The following ZNF804A variants were observed in gnomAD, a reference collection of about 807,000 sequenced individuals.
ZNF804A encodes zinc finger protein 804A.
Under a neutral mutation model 16.5 loss-of-function variants are expected in ZNF804A, and 2 were observed. The ratio of observed to expected loss-of-function variants is 0.12; its 90% CI spans 0.05 to 0.38. The LOEUF (loss-of-function observed/expected upper bound fraction) is 0.38. ZNF804A is among the 10% of genes least tolerant of loss of function. The pLI, the probability that ZNF804A is intolerant of heterozygous loss-of-function variation, is 0.99. For synonymous variants in ZNF804A, 534 were observed against 489.6 expected (o/e 1.09, Z -1.20); for missense variants, 1,473 against 1,390.7 (o/e 1.06, Z -0.94).
intron 1 of ZNF804A, among the ~76,000 whole-genome samples, chr2:184,768,891 G>A (rs984705254): frequency 6.6e-6 from 1 of 151,888 alleles, no homozygotes; most frequent in Non-Finnish European, 1.5e-5. Flanking sequence ...TTTAATAAAT[G>A]TACCCTTTAG....
chr2:184,791,122 A>T (rs1190380077), intron 1 of ZNF804A, among the ~76,000 whole-genome samples: 1 of 151,796 alleles, frequency 6.6e-6, no homozygotes, highest in Non-Finnish European at 1.5e-5. Flanking sequence ...TATTTTTTTT[A>T]TCCAGTTTTC....
At chr2:184,847,262 G>A (rs1416198319) in intron 1 of ZNF804A, among the ~76,000 whole-genome samples, 1 of 151,050 alleles carries the variant, frequency 6.6e-6, no homozygotes, top group African/African-American at 2.4e-5. Context: ...GTGTAGATGA[G>A]TTTGCATTTC....
intron 1 of ZNF804A, among the ~76,000 whole-genome samples, chr2:184,826,982 G>A (rs149952946): frequency 4.0e-5 from 6 of 151,426 alleles, no homozygotes; most frequent in East Asian, 1.9e-4. Context: ...TCATTTTATC[G>A]TGTGTATTAA....
intron 1 of ZNF804A, among the ~76,000 whole-genome samples, chr2:184,707,052 G>A (rs371738658): frequency 4.6e-5 from 7 of 152,258 alleles, no homozygotes; most frequent in African/African-American, 1.7e-4. Context: ...GGCATAAAGA[G>A]ATTCAAGGCT....
intron 1 of ZNF804A, among the ~76,000 whole-genome samples, chr2:184,603,082 C>T (rs1346560559): frequency 1.3e-5 from 2 of 152,092 alleles, no homozygotes; most frequent in Non-Finnish European, 2.9e-5. Context: ...TTTCTGTAGG[C>T]TGCCCTGCAT....
At chr2:184,618,458 A>C (rs917877830) in intron 1 of ZNF804A, among the ~76,000 whole-genome samples, 4 of 152,144 alleles carry the variant, frequency 2.6e-5, no homozygotes. Flanking sequence ...GGAAAAAAAG[A>C]TTATTTAATA....
intron 1 of ZNF804A, among the ~76,000 whole-genome samples, chr2:184,809,027 A>C (rs1420180684): frequency 6.6e-6 from 1 of 151,860 alleles, no homozygotes; most frequent in Non-Finnish European, 1.5e-5. Context: ...CAGAGATCTA[A>C]TGAAAAATTT....
At chr2:184,786,339 C>T (rs1370600417) in intron 1 of ZNF804A, among the ~76,000 whole-genome samples, 1 of 151,892 alleles carries the variant, frequency 6.6e-6, no homozygotes, top group East Asian at 1.9e-4. Context: ...ATTTTGTAAG[C>T]AATTCCCTAA....
intron 1 of ZNF804A, among the ~76,000 whole-genome samples, chr2:184,702,857 ATATACT>A (rs1235071057): frequency 6.6e-6 from 1 of 152,148 alleles, no homozygotes; most frequent in East Asian, 1.9e-4. Context: ...CTATGTAGAG[ATATACT>A]TAAAACAACT....
At chr2:184,619,364 C>T (rs1691382384) in intron 1 of ZNF804A, among the ~76,000 whole-genome samples, 1 of 151,408 alleles carries the variant, frequency 6.6e-6, no homozygotes, top group Non-Finnish European at 1.5e-5. Flanking sequence ...GTCTAGACTG[C>T]TTCAAGTTAT....
chr2:184,895,331 G>A (rs1036750015), intron 2 of ZNF804A, among the ~76,000 whole-genome samples: 2 of 152,016 alleles, frequency 1.3e-5, no homozygotes, highest in African/African-American at 4.8e-5. Flanking sequence ...CTCAAAGCAT[G>A]ATTAAACAAT....
chr2:184,908,073 G>T (rs1281882106), intron 2 of ZNF804A, among the ~76,000 whole-genome samples: 2 of 152,028 alleles, frequency 1.3e-5, no homozygotes, highest in African/African-American at 2.4e-5. Flanking sequence ...AATTGCTTCT[G>T]TAATAATTCA....
chr2:184,717,722 A>G (rs541966998), intron 1 of ZNF804A, among the ~76,000 whole-genome samples: 1 of 152,338 alleles, frequency 6.6e-6, no homozygotes, highest in Admixed American at 6.5e-5. Flanking sequence ...TTTATGGAGT[A>G]CATGTGATAT....
chr2:184,643,726 A>G (rs1011094670), intron 1 of ZNF804A, among the ~76,000 whole-genome samples: 1 of 151,538 alleles, frequency 6.6e-6, no homozygotes, highest in Non-Finnish European at 1.5e-5. Flanking sequence ...AAACATGTGC[A>G]TATAAATTTA....
chr2:184,802,831 T>A (rs540958177), intron 1 of ZNF804A, among the ~76,000 whole-genome samples: 128 of 152,312 alleles, frequency 8.4e-4, no homozygotes, highest in Admixed American at 2.6e-3. Flanking sequence ...TTTCTTAATA[T>A]CACCCAATTA....
intron 1 of ZNF804A, among the ~76,000 whole-genome samples, chr2:184,778,752 A>G (rs966397053): frequency 2.6e-5 from 4 of 151,716 alleles, no homozygotes; most frequent in Non-Finnish European, 5.9e-5. Context: ...TTAATGATCC[A>G]GGGACTGTCA....
chr2:184,864,998 G>A (rs1236513921), intron 1 of ZNF804A, among the ~76,000 whole-genome samples: 3 of 148,472 alleles, frequency 2.0e-5, no homozygotes, highest in East Asian at 2.0e-4. Flanking sequence ...CTCCTGCCTC[G>A]GCCTCCGAGT....
intron 1 of ZNF804A, among the ~76,000 whole-genome samples, chr2:184,819,780 C>A (rs1276841035): frequency 6.6e-6 from 1 of 151,968 alleles, no homozygotes; most frequent in South Asian, 2.1e-4. Flanking sequence ...TCACAGAATA[C>A]TATAAACACC....
chr2:184,918,105 T>C (rs1317276125), intron 2 of ZNF804A, among the ~76,000 whole-genome samples: 3 of 152,160 alleles, frequency 2.0e-5, no homozygotes, highest in Non-Finnish European at 4.4e-5. Flanking sequence ...CCCTATGGGA[T>C]GTCCTGTATT....
Sources: allele counts gnomAD v4.1 joint callset (sites outside exome capture counted in the v4.1 genomes callset), GRCh38; gene constraint gnomAD v4.1.1; transcripts MANE v1.5; gene names NCBI Gene and HGNC (gene_info 2026-07-23, HGNC 2026-07-21).